Variants in ZNF385D observed in about 807,000 individuals in gnomAD.
ZNF385D encodes zinc finger protein 659.
ZNF385D carries 15 observed loss-of-function variants against 35.8 expected under a neutral mutation model. The ratio of observed to expected loss-of-function variants is 0.42; its 90% CI spans 0.28 to 0.64. The LOEUF is 0.64. Ranked by LOEUF, ZNF385D falls within the 30% of genes least tolerant of loss-of-function variation. The pLI, the probability that ZNF385D is intolerant of heterozygous loss-of-function variation, is 0.23. For missense variants in ZNF385D, 474 were observed against 494.6 expected (o/e 0.96, Z 0.39); for synonymous variants, 212 against 186.8 (o/e 1.13, Z -1.10).
intron 2 of ZNF385D, among the ~76,000 whole-genome samples, chr3:22,323,779 C>T (rs1694551523): frequency 6.6e-6 from 1 of 152,084 alleles, no homozygotes; most frequent in Non-Finnish European, 1.5e-5. Context: ...TATAAATTAT[C>T]CCCCTACTAA....
At chr3:21,732,816 C>T (rs1232715605) in intron 1 of ZNF385D, among the ~76,000 whole-genome samples, 3 of 152,026 alleles carry the variant, frequency 2.0e-5, no homozygotes, top group Non-Finnish European at 4.4e-5. Context: ...TATTTTTTTG[C>T]AAACATTTTC....
At chr3:22,309,474 T>C (rs1039225872) in intron 2 of ZNF385D, among the ~76,000 whole-genome samples, 1 of 152,088 alleles carries the variant, frequency 6.6e-6, no homozygotes, top group African/African-American at 2.4e-5. Flanking sequence ...ACTATTTTTG[T>C]CTCGACTATA....
intron 1 of ZNF385D, among the ~76,000 whole-genome samples, chr3:21,705,735 C>T (rs776132713): frequency 2.2e-4 from 33 of 152,178 alleles, no homozygotes; most frequent in Admixed American, 1.8e-3. Flanking sequence ...CTTTCCACCA[C>T]CCCCAAAATC....
intron 2 of ZNF385D, among the ~76,000 whole-genome samples, chr3:22,344,161 G>A (rs1237164905): frequency 6.9e-6 from 1 of 145,046 alleles, no homozygotes; most frequent in East Asian, 2.0e-4. Flanking sequence ...ATAGGCACAT[G>A]GGTAGGGTGG....
At chr3:21,776,892 A>C (rs936867302) in intron 3 of ZNF385D, among the ~76,000 whole-genome samples, 1 of 151,962 alleles carries the variant, frequency 6.6e-6, no homozygotes, top group Admixed American at 6.6e-5. Flanking sequence ...GATAGGTTTT[A>C]GAGTGAATAC....
intron 2 of ZNF385D, among the ~76,000 whole-genome samples, chr3:22,198,620 C>G (rs1187211892): frequency 1.3e-5 from 2 of 151,966 alleles, no homozygotes; most frequent in Non-Finnish European, 2.9e-5. Flanking sequence ...TCTTTCAGAC[C>G]TTTAATTTTT....
intron 1 of ZNF385D, among the ~76,000 whole-genome samples, chr3:21,731,632 T>G (rs2068999750): frequency 6.6e-6 from 1 of 152,232 alleles, no homozygotes; most frequent in Non-Finnish European, 1.5e-5. Flanking sequence ...AGTTTCATTG[T>G]GCTAAAAATC....
chr3:22,128,330 C>T (rs1259306519), intron 3 of ZNF385D, among the ~76,000 whole-genome samples: 1 of 151,976 alleles, frequency 6.6e-6, no homozygotes, highest in East Asian at 1.9e-4. Flanking sequence ...TTATTCTTGA[C>T]TTTTGGGAGT....
chr3:22,329,039 T>C, intron 2 of ZNF385D, among the ~76,000 whole-genome samples: 1 of 131,720 alleles, frequency 7.6e-6, no homozygotes, highest in Non-Finnish European at 1.5e-5. Flanking sequence ...ATCGCGCCAC[T>C]GCACTCCAGC....
chr3:21,748,921 A>G lies in ZNF385D; in HGVS notation c.22+1974T>C, dbSNP rs553022161. Reference sequence around the variant, plus strand: ...TTCTTTTTGCCCTCGCTCTTGTACCACACATTTTTTTTTTAGAGACAGGTG... The same window carrying G: ...TTCTTTTTGCCCTCGCTCTTGTACCGCACATTTTTTTTTTAGAGACAGGTG... On this transcript the variant is annotated intron_variant, in intron 1 of 7. Coordinates refer to ENST00000281523, the MANE Select transcript of ZNF385D (RefSeq NM_024697.3). 1.2e-4 allele frequency among the ~76,000 whole-genome samples: 19 copies of G among 152,176 alleles called. No homozygotes were observed. In the South Asian group the frequency reaches 3.7e-3, roughly 30 times the overall value.
At chr3:21,940,716 G>A (rs773311982) in intron 3 of ZNF385D, among the ~76,000 whole-genome samples, 8 of 152,132 alleles carry the variant, frequency 5.3e-5, no homozygotes, top group African/African-American at 9.6e-5. Flanking sequence ...AGGCTACGAG[G>A]ATAAAAGTAG....
chr3:22,198,301 A>G (rs1696554975), intron 2 of ZNF385D, among the ~76,000 whole-genome samples: 1 of 152,136 alleles, frequency 6.6e-6, no homozygotes, highest in South Asian at 2.1e-4. Context: ...TTCTTAGTTT[A>G]TGATGTTGAG....
chr3:21,548,022 A>T (rs995435475), intron 3 of ZNF385D, among the ~76,000 whole-genome samples: 1 of 152,076 alleles, frequency 6.6e-6, no homozygotes, highest in African/African-American at 2.4e-5. Flanking sequence ...TGTAGTGGGG[A>T]GGAGCCTGGC....
At chr3:21,849,791 G>GT (rs879402862) in intron 3 of ZNF385D, 9 of 149,970 alleles carry the variant, frequency 6.0e-5, no homozygotes, top group South Asian at 4.2e-4. Context: ...CTTTTTTTTT[G>GT]TTTTTTGCGG....
At chr3:22,028,702 T>G (rs1259399106) in intron 3 of ZNF385D, among the ~76,000 whole-genome samples, 1 of 152,210 alleles carries the variant, frequency 6.6e-6, no homozygotes, top group East Asian at 1.9e-4. Context: ...CACACAGCAT[T>G]GCCTCAGACC....
chr3:22,240,097 C>G (rs1699406484), intron 2 of ZNF385D, among the ~76,000 whole-genome samples: 1 of 147,322 alleles, frequency 6.8e-6, no homozygotes, highest in Non-Finnish European at 1.5e-5. Context: ...GTGGGAGGAT[C>G]ACCTGAGCCC....
At chr3:22,301,040 G>A (rs1702873011) in intron 2 of ZNF385D, among the ~76,000 whole-genome samples, 1 of 152,096 alleles carries the variant, frequency 6.6e-6, no homozygotes, top group South Asian at 2.1e-4. Flanking sequence ...CAACCTAGGT[G>A]TCATTCAACG....
At chr3:21,619,827 C>A (rs898103849) in intron 2 of ZNF385D, among the ~76,000 whole-genome samples, 4 of 152,082 alleles carry the variant, frequency 2.6e-5, no homozygotes, top group Non-Finnish European at 5.9e-5. Flanking sequence ...AACTATAATC[C>A]CTAGTAATTT....
chr3:21,732,869 TC>T (rs1489392695), intron 1 of ZNF385D, among the ~76,000 whole-genome samples: 1 of 152,198 alleles, frequency 6.6e-6, no homozygotes, highest in Non-Finnish European at 1.5e-5. Context: ...GTAGTGTCTT[TC>T]ACAGCAGAAT....
Sources: gnomAD v4.1 joint callset for allele counts (sites outside exome capture counted in the v4.1 genomes callset) on GRCh38, gnomAD v4.1.1 for gene constraint, MANE v1.5 for transcripts, NCBI Gene and HGNC (gene_info 2026-07-23, HGNC 2026-07-21) for gene names.